The following METTL5 variants were observed in gnomAD, a reference collection of about 807,000 sequenced individuals.
METTL5 encodes the protein rRNA N(6)-adenosine-methyltransferase METTL5.
METTL5 carries 28 observed loss-of-function variants against 26.5 expected under a neutral mutation model. That is an observed-to-expected ratio of 1.06 (90% CI 0.78 to 1.45). The LOEUF is 1.45. Ranked by LOEUF, METTL5 falls within the 40% of genes most tolerant of loss-of-function variation. The pLI is 0.00. For synonymous variants in METTL5, 86 were observed against 82.6 expected (o/e 1.04, Z -0.22); for missense variants, 231 against 249.9 (o/e 0.92, Z 0.51).
chr2:169,823,122 T>C (rs1016524840), intron 1 of METTL5, among the ~76,000 whole-genome samples: 2 of 152,024 alleles, frequency 1.3e-5, no homozygotes, highest in African/African-American at 4.8e-5. Context: ...GCTGGGACTA[T>C]AGGCACATAC....
In METTL5 at chr2:169,819,619, G is replaced by A; in HGVS notation, c.431C>T (p.Thr144Ile). The A allele has an allele frequency of 6.2e-7, 1 of 1,613,046 alleles. No homozygotes were observed. Among genetic ancestry groups the A allele is most frequent in the Middle Eastern group, 1.7e-4 (1 of 5,960 alleles). Residue 144 changes from threonine (T) to isoleucine (I), a missense_variant, in exon 4 of 7, where the codon ACT becomes ATT. By Grantham distance (89) the Thr-to-Ile change is moderately conservative. Coordinates refer to ENST00000260953, the MANE Select transcript of METTL5 (RefSeq NM_014168.4). Reference protein sequence around the residue: ...NKGTDMAFLKTALEMARTAVY... With the variant: ...NKGTDMAFLKIALEMARTAVY... Reference sequence around the variant, plus strand: ...TGCTGTTCTTGCCATTTCCAAAGCAGTCTTTAGAAAAGCCATATCTGTCCC... The same window carrying A: ...TGCTGTTCTTGCCATTTCCAAAGCAATCTTTAGAAAAGCCATATCTGTCCC...
rs572823948 is a variant in METTL5, at chr2:169,814,468, C to CAAA, written c.541+1006_541+1008dup. On this transcript the variant is annotated intron_variant, in intron 5 of 6. Transcript: ENST00000260953. ...TGGGTAACAGAGCAAGGCTTTGTCT[C>CAAA]AAAAAAAAAAAAAGAAAAAAGAAAA... Among the ~76,000 whole-genome samples the CAAA allele has an allele frequency of 1.9e-4, 11 of 57,544 alleles. 1 individual carries two copies. Among genetic ancestry groups the CAAA allele is most frequent in the African/African-American group, 4.1e-4 (6 of 14,804 alleles). The allele number at this position is 57,544 out of a possible 152,430, so 37.8% of individuals were successfully genotyped here.
intron 5 of METTL5, among the ~76,000 whole-genome samples, chr2:169,814,489 G>GAAAA (rs1690082571): frequency 4.4e-5 from 2 of 45,218 alleles, no homozygotes; most frequent in Non-Finnish European, 4.6e-5. Flanking sequence ...AAAGAAAAAA[G>GAAAA]AAAATGAAAT....
At chr2:169,814,908 T>C (rs60270576) in intron 5 of METTL5, among the ~76,000 whole-genome samples, 9,561 of 151,704 alleles carry the variant, frequency 0.063, 433 homozygotes, top group African/African-American at 0.14. Flanking sequence ...TTTTTGTTTT[T>C]TTGAGACTGA....
rs773747983 is a variant in METTL5, at chr2:169,824,511, A to G, written c.87T>C (p.Tyr29=). Residue 29 remains tyrosine, a synonymous_variant, in exon 1 of 7, where the codon TAT becomes TAC. Coordinates refer to ENST00000260953, the MANE Select transcript of METTL5 (RefSeq NM_014168.4). ...FEKPKLLLEQ[Y]PTRPHIAACM... ...TACCTGCAATGTGCGGCCTGGTAGG[A>G]TACTGTTCCAGAAGTAGCTTGGGCT... The G allele has an allele frequency of 8.1e-6, 13 of 1,614,144 alleles. No individual in the cohort carries two copies. The highest frequency in any genetic ancestry group is 1.0e-5 in the Non-Finnish European group (12 of 1,180,006).
chr2:169,814,638 G>C (rs1412993524), intron 5 of METTL5, among the ~76,000 whole-genome samples: 1 of 147,898 alleles, frequency 6.8e-6, no homozygotes, highest in African/African-American at 2.5e-5. Flanking sequence ...GCAGTGGCGC[G>C]ATCTCAGCTC....
chr2:169,824,354 C>T, intron 1 of METTL5, 135 bp downstream of exon 1: 1 of 687,784 alleles, frequency 1.5e-6, no homozygotes. Context: ...CAAGGAAGGC[C>T]TCTCTAACGC....
In METTL5 at chr2:169,824,843, G is replaced by T. The variant is rs1573976098; in HGVS notation, c.-246C>A. ...CGGCGCACTGCTGGAGCAGCCTCAG[G>T]ATCCCTCGCGCCACGACCACGCACC... On this transcript the variant is annotated 5_prime_UTR_variant, in exon 1 of 7. Coordinates refer to ENST00000260953, the MANE Select transcript of METTL5 (RefSeq NM_014168.4). The T allele has an allele frequency of 2.7e-6, 1 of 366,864 alleles. No homozygotes were observed. The highest frequency in any genetic ancestry group is 5.0e-5 in the East Asian group (1 of 20,078). The allele number at this position is 366,864 out of a possible 1,614,324, so 22.7% of individuals were successfully genotyped here.
intron 1 of METTL5, among the ~76,000 whole-genome samples, chr2:169,823,824 AAAT>A (rs147162926): frequency 0.031 from 4,767 of 152,172 alleles, 78 homozygotes; most frequent in Middle Eastern, 0.061. Context: ...TTATCTCAAA[AAAT>A]AATAATAATA....
chr2:169,812,666 T>C, intron 5 of METTL5, 160 bp from the exon 6 acceptor site: 1 of 700,478 alleles, frequency 1.4e-6, no homozygotes. Context: ...TCTGTATTCC[T>C]AGCATTAGCC....
intron 3 of METTL5, 105 bp downstream of exon 3, chr2:169,820,987 C>T (rs1444047806): frequency 9.4e-6 from 9 of 959,616 alleles, no homozygotes; most frequent in South Asian, 3.7e-5. Flanking sequence ...GTATCAGCCT[C>T]GCAAAGCACT....
chr2:169,824,507 T>C lies in METTL5; in HGVS notation c.91A>G (p.Thr31Ala), dbSNP rs1289714085. 2.5e-6 allele frequency: 4 copies of C among 1,614,022 alleles called. No homozygotes were observed. Among genetic ancestry groups the C allele is most frequent in the Non-Finnish European group, 3.4e-6 (4 of 1,179,988 alleles). Residue 31 changes from threonine to alanine, a missense_variant, in exon 1 of 7, where the codon ACC becomes GCC. Thr to Ala is a moderately conservative substitution (Grantham distance 58, BLOSUM62 0). Transcript: ENST00000260953. ...KPKLLLEQYP[T>A]RPHIAACMLY... is the part of the protein sequence containing the mutation. ...GCCCTACCTGCAATGTGCGGCCTGGTAGGATACTGTTCCAGAAGTAGCTTG... is the reference window on the plus strand; with the variant it reads ...GCCCTACCTGCAATGTGCGGCCTGGCAGGATACTGTTCCAGAAGTAGCTTG...
rs1690013087 is a variant in METTL5, at chr2:169,812,703, T to C, written c.542-197A>G. The C allele has an allele frequency of 7.1e-6, 4 of 560,664 alleles. No individual in the cohort carries two copies. In the Admixed American group the frequency reaches 1.0e-4, roughly 15 times the overall value. The allele number at this position is 560,664 out of a possible 1,614,324, so 34.7% of individuals were successfully genotyped here. On this transcript the variant is annotated intron_variant, in intron 5 of 6. Transcript: ENST00000260953. Reference sequence around the variant, plus strand: ...TGGCAGCTTGGCATTTCTGTTATTATGGCCATTTATACTGAAATTTGAGGT... The same window carrying C: ...TGGCAGCTTGGCATTTCTGTTATTACGGCCATTTATACTGAAATTTGAGGT...
chr2:169,812,065 C>G, intron 6 of METTL5: 2 of 648,262 alleles, frequency 3.1e-6, no homozygotes, highest in Non-Finnish European at 2.5e-6. Flanking sequence ...AGAGCAAAAA[C>G]AGTTTTTGAT....
chr2:169,821,087 C>G lies in METTL5; in HGVS notation c.406+5G>C. ...ATACCAATATACCCGATTCTTGTTA[C>G]AAACCTTTATTATTTTTGGTCCCAA... On this transcript the variant is annotated splice_donor_5th_base_variant and intron_variant, in intron 3 of 6. Coordinates refer to ENST00000260953, the MANE Select transcript of METTL5 (RefSeq NM_014168.4). The G allele has an allele frequency of 6.4e-7, 1 of 1,573,478 alleles. No individual in the cohort carries two copies. The highest frequency in any genetic ancestry group is 8.6e-7 in the Non-Finnish European group (1 of 1,164,376).
chr2:169,818,944 AC>A (rs905823969), intron 4 of METTL5, among the ~76,000 whole-genome samples: 6 of 152,186 alleles, frequency 3.9e-5, no homozygotes, highest in African/African-American at 1.4e-4. Flanking sequence ...AAACTCAATT[AC>A]CTTGACCAAG....
chr2:169,824,787 G>T lies in METTL5; in HGVS notation c.-190C>A. On this transcript the variant is annotated 5_prime_UTR_variant, in exon 1 of 7. Transcript: ENST00000260953. ...GGGGCGAGCCTCTGACCCACCTCCCGGCTAACCCAAGCCGCCCCAGGAGAC... is the reference window on the plus strand; with the variant it reads ...GGGGCGAGCCTCTGACCCACCTCCCTGCTAACCCAAGCCGCCCCAGGAGAC... 1 of 522,314 alleles carries T rather than the reference G, an allele frequency of 1.9e-6. No homozygotes were observed. Among genetic ancestry groups the T allele is most frequent in the Non-Finnish European group, 3.5e-6 (1 of 289,036 alleles). 32.4% of individuals were successfully genotyped at this position (522,314 alleles called of 1,614,324 possible).
intron 3 of METTL5, among the ~76,000 whole-genome samples, chr2:169,820,870 T>C (rs759650553): frequency 2.1e-5 from 3 of 141,814 alleles, no homozygotes; most frequent in Non-Finnish European, 4.6e-5. Context: ...ACCACCACAC[T>C]TGGGAAATTA....
intron 5 of METTL5, among the ~76,000 whole-genome samples, chr2:169,814,462 T>C (rs1445118996): frequency 2.3e-3 from 2 of 876 alleles, no homozygotes; most frequent in African/African-American, 3.4e-3. Flanking sequence ...GAGCAAGGCT[T>C]TGTCTCAAAA....
Sources: allele counts gnomAD v4.1 joint callset (sites outside exome capture counted in the v4.1 genomes callset), GRCh38; gene constraint gnomAD v4.1.1; transcripts MANE v1.5; gene names NCBI Gene and HGNC (gene_info 2026-07-23, HGNC 2026-07-21).